The following RBFOX2 variants were observed in gnomAD, a reference collection of about 807,000 sequenced individuals.
RBFOX2 encodes the protein RNA binding protein fox-1 homolog 2.
In RBFOX2, 10 loss-of-function variants were observed where a neutral mutation model predicts 49.1. The observed-to-expected ratio is 0.20, with a 90% confidence interval of 0.13 to 0.35. The LOEUF is 0.35. Among genes scored for constraint, RBFOX2 ranks in the 10% least tolerant of loss-of-function variants. The probability of loss-of-function intolerance (pLI) is 1.00; values close to 1 mark genes in which losing one functional copy is unlikely to be tolerated. For missense variants in RBFOX2, 323 were observed against 486.9 expected (o/e 0.66, Z 3.17); for synonymous variants, 183 against 187.4 (o/e 0.98, Z 0.19).
intron 1 of RBFOX2, among the ~76,000 whole-genome samples, chr22:35,930,286 G>T (rs1174742120): frequency 6.6e-6 from 1 of 151,822 alleles, no homozygotes; most frequent in Non-Finnish European, 1.5e-5. Context: ...CTCCCAAAGT[G>T]CTGGGATTAC....
At chr22:35,949,889 T>C (rs983893300) in intron 1 of RBFOX2, among the ~76,000 whole-genome samples, 1 of 152,198 alleles carries the variant, frequency 6.6e-6, no homozygotes, top group Non-Finnish European at 1.5e-5. Flanking sequence ...AATAGCGTCC[T>C]TTGATGCATA....
At chr22:35,891,429 G>A (rs1029082051) in intron 1 of RBFOX2, among the ~76,000 whole-genome samples, 7 of 151,908 alleles carry the variant, frequency 4.6e-5, no homozygotes, top group East Asian at 3.9e-4. Flanking sequence ...CACTAAGGCC[G>A]GCCAGGGCAC....
At chr22:35,753,650 T>G (rs750822784) in intron 9 of RBFOX2, among the ~76,000 whole-genome samples, 1 of 151,724 alleles carries the variant, frequency 6.6e-6, no homozygotes, top group Non-Finnish European at 1.5e-5. Flanking sequence ...ACCAAGAGTA[T>G]TTTATTAACA....
intron 1 of RBFOX2, among the ~76,000 whole-genome samples, chr22:35,973,003 T>C (rs938179168): frequency 3.9e-5 from 6 of 152,204 alleles, no homozygotes; most frequent in African/African-American, 1.4e-4. Context: ...TTATTTTAAT[T>C]GATCTCAATA....
chr22:35,745,971 G>A (rs1344244334), exon 11 of RBFOX2: 1 of 1,614,060 alleles, frequency 6.2e-7, no homozygotes, highest in Non-Finnish European at 8.5e-7. Context: ...CATGGTAGGG[G>A]TCGGCTGTGT....
intron 3 of RBFOX2, among the ~76,000 whole-genome samples, chr22:35,779,769 A>G (rs1944716815): frequency 6.6e-6 from 1 of 152,150 alleles, no homozygotes; most frequent in Non-Finnish European, 1.5e-5. Flanking sequence ...TAAGTAACAG[A>G]GAGTCACAAT....
chr22:35,964,400 T>C (rs985461143), upstream of RBFOX2, among the ~76,000 whole-genome samples: 4 of 152,258 alleles, frequency 2.6e-5, no homozygotes, highest in Non-Finnish European at 5.9e-5. Flanking sequence ...CCTATTATTC[T>C]AAACTTCTGG....
chr22:35,752,745 CT>C, intron 9 of RBFOX2: 1 of 581,330 alleles, frequency 1.7e-6, no homozygotes, highest in Non-Finnish European at 2.2e-6. Context: ...GCCCACCAGC[CT>C]TTTCTTTCCT....
chr22:35,782,226 T>G (rs6000002), intron 2 of RBFOX2, among the ~76,000 whole-genome samples: 26,846 of 152,158 alleles, frequency 0.18, 3,044 homozygotes, highest in African/African-American at 0.32. Context: ...ATTTTTATAT[T>G]TCATTCCCTC....
rs145638417 is a variant in RBFOX2, at chr22:35,831,491, T to C, written c.27+8701A>G. ...TAAAAGAATCATATTTTGTGACACA[T>C]ACATATTACATGGAACTTAAATTTC... is the stretch of plus-strand genomic sequence containing the variant. On this transcript the variant is annotated intron_variant, in intron 1 of 11. Transcript: ENST00000405409. Among the ~76,000 whole-genome samples the C allele has an allele frequency of 2.9e-3, 441 of 152,268 alleles. 3 individuals carry two copies. Among genetic ancestry groups the C allele is most frequent in the Middle Eastern group, 0.01 (3 of 294 alleles).
intron 2 of RBFOX2, among the ~76,000 whole-genome samples, chr22:35,797,918 ATC>A (rs1033489869): frequency 1.3e-5 from 2 of 152,294 alleles, no homozygotes; most frequent in Non-Finnish European, 2.9e-5. Context: ...TTCTAAAAGC[ATC>A]TCTTAATGAA....
intron 1 of RBFOX2, among the ~76,000 whole-genome samples, chr22:35,959,130 T>C (rs1047563359): frequency 6.6e-6 from 1 of 152,032 alleles, no homozygotes; most frequent in Admixed American, 6.6e-5. Context: ...CAATGAAAGG[T>C]TGAAGGCAAG....
chr22:35,812,892 C>T (rs1408581125), intron 1 of RBFOX2, among the ~76,000 whole-genome samples: 1 of 152,332 alleles, frequency 6.6e-6, no homozygotes, highest in East Asian at 1.9e-4. Flanking sequence ...TTATTCTCAA[C>T]AGGGCTGACT....
At chr22:35,968,565 ACT>A (rs1177294488) in intron 1 of RBFOX2, among the ~76,000 whole-genome samples, 1 of 151,994 alleles carries the variant, frequency 6.6e-6, no homozygotes, top group African/African-American at 2.4e-5. Flanking sequence ...TGGAATTAAA[ACT>A]CTTTTATCAG....
intron 1 of RBFOX2, chr22:35,997,966 C>T (rs1259546378): frequency 2.6e-5 from 4 of 152,244 alleles, no homozygotes; most frequent in Non-Finnish European, 4.4e-5. Context: ...CGAACCACCA[C>T]ACTCCAGACT....
At chr22:35,843,888 G>A (rs916661863), upstream of RBFOX2, among the ~76,000 whole-genome samples, 11 of 152,112 alleles carry the variant, frequency 7.2e-5, no homozygotes, top group African/African-American at 2.4e-4. Context: ...TCTCAAAAGG[G>A]TCCAAACCTC....
intron 1 of RBFOX2, among the ~76,000 whole-genome samples, chr22:35,898,666 G>A (rs762480061): frequency 7.2e-5 from 11 of 151,902 alleles, no homozygotes; most frequent in Non-Finnish European, 1.3e-4. Context: ...GACCTCAAGC[G>A]ATCCACCTGC....
At chr22:35,768,111 AGAAGGT>A in intron 5 of RBFOX2, 140 bp downstream of exon 6, 1 of 805,994 alleles carries the variant, frequency 1.2e-6, no homozygotes. Flanking sequence ...TTTTAGTGCA[AGAAGGT>A]GAAGAAGACA....
At chr22:35,865,590 G>A (rs1318681233) in intron 1 of RBFOX2, among the ~76,000 whole-genome samples, 1 of 150,718 alleles carries the variant, frequency 6.6e-6, no homozygotes, top group Non-Finnish European at 1.5e-5. Flanking sequence ...GGTGATAGAA[G>A]AGGGATTCAC....
Sources: allele counts gnomAD v4.1 joint callset (sites outside exome capture counted in the v4.1 genomes callset), GRCh38; gene constraint gnomAD v4.1.1; transcripts MANE v1.5; gene names NCBI Gene and HGNC (gene_info 2026-07-23, HGNC 2026-07-21).